CSMD1: variants seen among roughly 807,000 people sequenced by gnomAD.
CSMD1 encodes the protein CUB and Sushi multiple domains 1.
A neutral mutation model predicts 417.5 loss-of-function variants in CSMD1; 213 were observed. The ratio of observed to expected loss-of-function variants is 0.51; its 90% CI spans 0.46 to 0.57. The LOEUF is 0.57. Among genes scored for constraint, CSMD1 ranks in the 20% least tolerant of loss-of-function variants. The pLI is 0.00. For missense variants in CSMD1, 6,923 were observed against 4,529.7 expected (o/e 1.53, Z -15.17); for synonymous variants, 2,862 against 1,736.8 (o/e 1.65, Z -16.11).
intron 3 of CSMD1, among the ~76,000 whole-genome samples, chr8:4,303,422 G>GTTTTTTTT (rs71511194): frequency 4.7e-5 from 4 of 85,250 alleles, no homozygotes; most frequent in African/African-American, 1.9e-4. Flanking sequence ...GCAGGAAGCT[G>GTTTTTTTT]TTTTTTTTTT....
intron 3 of CSMD1, among the ~76,000 whole-genome samples, chr8:4,313,426 C>T (rs567090633): frequency 6.6e-6 from 1 of 151,558 alleles, no homozygotes; most frequent in Non-Finnish European, 1.5e-5. Flanking sequence ...CTGACGGGAC[C>T]CCTGTGACAT....
intron 1 of CSMD1, among the ~76,000 whole-genome samples, chr8:4,866,834 T>G (rs1802448131): frequency 6.6e-6 from 1 of 152,052 alleles, no homozygotes; most frequent in South Asian, 2.1e-4. Context: ...TTTCATGATT[T>G]TTAAAAATTA....
At chr8:3,218,018 T>C (rs1797980779) in intron 29 of CSMD1, among the ~76,000 whole-genome samples, 1 of 152,208 alleles carries the variant, frequency 6.6e-6, no homozygotes, top group Admixed American at 6.5e-5. Context: ...GAGAAATAAA[T>C]TTGAAAAAAC....
At chr8:4,463,097 A>T (rs1415113784) in intron 2 of CSMD1, among the ~76,000 whole-genome samples, 2 of 152,324 alleles carry the variant, frequency 1.3e-5, no homozygotes, top group African/African-American at 4.8e-5. Context: ...ACTCAGCAAT[A>T]AAAAGACAAA....
At position 3,989,136 on chromosome 8, in the gene CSMD1, G is replaced by A. The variant is rs192792778; in HGVS notation, c.818+8767C>T. Among the ~76,000 whole-genome samples the A allele has an allele frequency of 3.9e-4, 59 of 152,250 alleles. No homozygotes were observed. In the South Asian group the frequency reaches 9.3e-3, roughly 24 times the overall value. On this transcript the variant is annotated intron_variant, in intron 5 of 69. Transcript: ENST00000635120. ...AGTTATAGAAATTGCTATGTGGGGC[G>A]GGCATTTTGCTAAGGGTTTTCCAAG...
chr8:3,078,255 T>G (rs1466221502), intron 49 of CSMD1, among the ~76,000 whole-genome samples: 1 of 152,198 alleles, frequency 6.6e-6, no homozygotes, highest in Non-Finnish European at 1.5e-5. Context: ...AAATTACCCT[T>G]TTTGAACACT....
At chr8:4,043,868 G>C (rs561002244) in intron 3 of CSMD1, among the ~76,000 whole-genome samples, 34 of 152,236 alleles carry the variant, frequency 2.2e-4, no homozygotes, top group African/African-American at 7.9e-4. Context: ...GACACAGAGA[G>C]GCTAAGGAAC....
chr8:4,170,573 C>T (rs916581678), intron 3 of CSMD1, among the ~76,000 whole-genome samples: 1 of 151,714 alleles, frequency 6.6e-6, no homozygotes, highest in Non-Finnish European at 1.5e-5. Flanking sequence ...TGGATGAAAA[C>T]CTTAGCAGTA....
At position 3,343,753 on chromosome 8, in the gene CSMD1, G is replaced by T. The variant is rs190416321; in HGVS notation, c.3475-303C>A. Among the ~76,000 whole-genome samples the T allele has an allele frequency of 9.3e-3, 1,410 of 151,990 alleles. 22 individuals are homozygous for T. The highest frequency in any genetic ancestry group is 0.032 in the African/African-American group (1,336 of 41,456). On this transcript the variant is annotated intron_variant, in intron 22 of 69. Transcript: ENST00000635120. ...AATAAATATTTCTTTACATTTCCAG[G>T]TTTCATTATCTACCTTTTTATTCCT...
chr8:4,815,752 G>C (rs73181527), intron 1 of CSMD1, among the ~76,000 whole-genome samples: 8,664 of 136,072 alleles, frequency 0.064, 377 homozygotes, highest in Non-Finnish European at 0.093. Flanking sequence ...CTTTTTAAAA[G>C]GAGTTTATAT....
At chr8:3,077,326 C>T (rs1420810712) in intron 49 of CSMD1, among the ~76,000 whole-genome samples, 1 of 152,208 alleles carries the variant, frequency 6.6e-6, no homozygotes, top group African/African-American at 2.4e-5. Flanking sequence ...ACACAGCAGA[C>T]TGCCTGGGGA....
Position 4,101,740 on chromosome 8 carries a change from C to T in CSMD1, c.416-69641G>A, listed in dbSNP as rs78395411. Among the ~76,000 whole-genome samples the T allele has an allele frequency of 5.2e-3, 792 of 152,210 alleles. 6 individuals are homozygous for T. The highest frequency in any genetic ancestry group is 0.018 in the African/African-American group (757 of 41,512). On this transcript the variant is annotated intron_variant, in intron 3 of 69. Coordinates refer to ENST00000635120, the MANE Select transcript of CSMD1 (RefSeq NM_033225.6). ...TCCAGAGGAGAAAAGCAAACTGGGC[C>T]AATGATAAGTGAAAGCTTTTGCTTA... is the stretch of plus-strand genomic sequence containing the variant.
chr8:3,247,981 A>C (rs1387893341), intron 26 of CSMD1, among the ~76,000 whole-genome samples: 1 of 152,186 alleles, frequency 6.6e-6, no homozygotes, highest in African/African-American at 2.4e-5. Flanking sequence ...GCAGGTCGCC[A>C]ATTGTTTACT....
intron 3 of CSMD1, among the ~76,000 whole-genome samples, chr8:4,292,694 C>T (rs1327346723): frequency 6.6e-6 from 1 of 152,068 alleles, no homozygotes; most frequent in Non-Finnish European, 1.5e-5. Context: ...AAAAATGATT[C>T]AGTTTATTTT....
At chr8:4,518,388 A>C (rs1233499626) in intron 2 of CSMD1, among the ~76,000 whole-genome samples, 1 of 152,198 alleles carries the variant, frequency 6.6e-6, no homozygotes, top group African/African-American at 2.4e-5. Context: ...ACTTCATAAT[A>C]AAAAACTATA....
chr8:4,421,977 A>G (rs534161602), intron 2 of CSMD1, among the ~76,000 whole-genome samples: 4 of 152,196 alleles, frequency 2.6e-5, no homozygotes, highest in South Asian at 4.1e-4. Context: ...ATTACTATGA[A>G]CTCAGAATTC....
intron 5 of CSMD1, among the ~76,000 whole-genome samples, chr8:3,767,209 G>A (rs149312607): frequency 3.3e-5 from 5 of 152,338 alleles, no homozygotes; most frequent in African/African-American, 9.6e-5. Context: ...TTCATTCCAT[G>A]CACAGGCTCT....
intron 5 of CSMD1, among the ~76,000 whole-genome samples, chr8:3,884,500 T>C (rs546954577): frequency 2.0e-5 from 3 of 152,254 alleles, no homozygotes; most frequent in African/African-American, 7.2e-5. Flanking sequence ...ACTTCACACC[T>C]GGATTCTCCT....
intron 8 of CSMD1, among the ~76,000 whole-genome samples, chr8:3,607,983 A>T (rs939550497): frequency 6.6e-6 from 1 of 152,136 alleles, no homozygotes; most frequent in Admixed American, 6.5e-5. Flanking sequence ...CAGCCTGGCA[A>T]ACATGGGAAA....
Sources: allele counts gnomAD v4.1 joint callset (sites outside exome capture counted in the v4.1 genomes callset), GRCh38; gene constraint gnomAD v4.1.1; transcripts MANE v1.5; gene names NCBI Gene and HGNC (gene_info 2026-07-23, HGNC 2026-07-21).